Variants in TTC17 observed in about 807,000 individuals in gnomAD.
TTC17 encodes tetratricopeptide repeat protein 17.
TTC17 carries 58 observed loss-of-function variants against 143.8 expected under a neutral mutation model. The observed-to-expected ratio is 0.40, with a 90% CI of 0.33 to 0.50. The LOEUF (loss-of-function observed/expected upper bound fraction) is 0.50, where lower values mean the gene tolerates loss of function less well. TTC17 is among the 20% of genes least tolerant of loss of function. TTC17 has a pLI of 0.49. For missense variants in TTC17, 1,273 were observed against 1,392.5 expected, an observed-to-expected ratio of 0.91 and a Z score of 1.37; for synonymous variants, 501 against 497.8, an observed-to-expected ratio of 1.01 and a Z score of -0.09.
At chr11:43,483,450 G>A (rs1948325077) in intron 21 of TTC17, among the ~76,000 whole-genome samples, 1 of 151,894 alleles carries the variant, frequency 6.6e-6, no homozygotes, top group Non-Finnish European at 1.5e-5. Context: ...ATGAACTTAG[G>A]TATCAAAATC....
At chr11:43,431,762 AG>A (rs1385079984) in intron 16 of TTC17, among the ~76,000 whole-genome samples, 1 of 152,256 alleles carries the variant, frequency 6.6e-6, no homozygotes, top group Non-Finnish European at 1.5e-5. Context: ...CTGAAGTAAG[AG>A]GATCACTTGA....
chr11:43,386,742 A>G (rs1235080578), intron 2 of TTC17, among the ~76,000 whole-genome samples: 3 of 152,184 alleles, frequency 2.0e-5, no homozygotes, highest in African/African-American at 7.2e-5. Flanking sequence ...TACTTTTTCC[A>G]TAAATTTCTA....
intron 21 of TTC17, among the ~76,000 whole-genome samples, chr11:43,453,512 A>C (rs1194590891): frequency 6.6e-6 from 1 of 152,226 alleles, no homozygotes; most frequent in African/African-American, 2.4e-5. Flanking sequence ...ATATGCTACC[A>C]AACTGACCAT....
chr11:43,415,548 A>G (rs1446789268), intron 16 of TTC17, among the ~76,000 whole-genome samples: 1 of 152,126 alleles, frequency 6.6e-6, no homozygotes, highest in African/African-American at 2.4e-5. Context: ...TTAATATTCA[A>G]ATTAGGTTAT....
At chr11:43,418,132 A>G (rs1350184550) in intron 16 of TTC17, among the ~76,000 whole-genome samples, 2 of 152,242 alleles carry the variant, frequency 1.3e-5, no homozygotes, top group African/African-American at 4.8e-5. Flanking sequence ...TAAAGACTTT[A>G]TAGCTAAAAC....
chr11:43,446,699 TATAAA>T lies in TTC17; in HGVS notation c.2666-1301_2666-1297del, dbSNP rs374293289. On this transcript the variant is annotated intron_variant, in intron 18 of 23. Coordinates refer to ENST00000039989, the MANE Select transcript of TTC17 (RefSeq NM_018259.6). ...TTCTACTGTTCGTAAATTCCTATAA[TATAAA>T]AAGCGCTATACAGAACTAAAGTTCT... is the stretch of plus-strand genomic sequence containing the variant. 2.2e-5 allele frequency: 22 copies of T among 983,992 alleles called. No individual in the cohort carries two copies. The South Asian group carries it at 6.6e-4, about 29-fold the overall frequency. The allele number at this position is 983,992 out of a possible 1,614,324, so 61.0% of individuals were successfully genotyped here. A position where few individuals can be genotyped will look rare whatever the true frequency, so the allele number is the denominator to read the frequency against.
At chr11:43,450,003 G>C (rs1947626317) in intron 19 of TTC17, 79 bp from the exon 20 acceptor site, 4 of 1,472,868 alleles carry the variant, frequency 2.7e-6, no homozygotes, top group Non-Finnish European at 3.7e-6. Flanking sequence ...GTCTCTCCTT[G>C]ATTGTTAATG....
chr11:43,379,451 A>T, intron 2 of TTC17, 129 bp downstream of exon 2: 5 of 695,028 alleles, frequency 7.2e-6, no homozygotes, highest in Non-Finnish European at 1.2e-5. Flanking sequence ...GGAATATACT[A>T]CCTGCAATGT....
intron 21 of TTC17, among the ~76,000 whole-genome samples, chr11:43,467,991 A>T (rs531855327): frequency 8.5e-4 from 130 of 152,354 alleles, no homozygotes; most frequent in African/African-American, 3.0e-3. Context: ...TATGAAAGAC[A>T]TTATTTCACA....
At chr11:43,445,089 C>T (rs1017464690) in intron 18 of TTC17, among the ~76,000 whole-genome samples, 1 of 152,120 alleles carries the variant, frequency 6.6e-6, no homozygotes, top group African/African-American at 2.4e-5. Context: ...AATCATAACA[C>T]ATCTATGCTG....
intron 5 of TTC17, among the ~76,000 whole-genome samples, chr11:43,392,169 A>G (rs531332264): frequency 6.6e-6 from 1 of 152,360 alleles, no homozygotes; most frequent in East Asian, 1.9e-4. Flanking sequence ...GGAAAGTTTT[A>G]TCTAAACTGA....
At chr11:43,412,344 C>T (rs1858454067) in intron 15 of TTC17, among the ~76,000 whole-genome samples, 1 of 151,902 alleles carries the variant, frequency 6.6e-6, no homozygotes, top group South Asian at 2.1e-4. Flanking sequence ...AAAAATTAGC[C>T]AAGTGTGGTG....
intron 15 of TTC17, 41 bp downstream of exon 15, chr11:43,407,618 G>C (rs775648394): frequency 6.5e-7 from 1 of 1,529,898 alleles, no homozygotes; most frequent in Non-Finnish European, 9.0e-7. Flanking sequence ...ATACTATGTA[G>C]GGTAACTCAA....
At chr11:43,492,186 A>G (rs201684248) in intron 23 of TTC17, 23 bp downstream of exon 23, 4 of 1,612,206 alleles carry the variant, frequency 2.5e-6, no homozygotes, top group Non-Finnish European at 2.5e-6. Context: ...TGTGAGCAGT[A>G]TGTACCAACT....
At chr11:43,412,829 C>G (rs1438545157) in intron 15 of TTC17, among the ~76,000 whole-genome samples, 6 of 152,224 alleles carry the variant, frequency 3.9e-5, no homozygotes, top group Non-Finnish European at 7.3e-5. Flanking sequence ...CATGTTCACA[C>G]ATTGAGAGAG....
Position 43,407,199 on chromosome 11 carries a change from T to C in TTC17, c.1823T>C (p.Phe608Ser), listed in dbSNP as rs1295619303. 2 of 1,597,776 alleles carry C rather than the reference T, an allele frequency of 1.3e-6. No individual in the cohort carries two copies. The highest frequency in any genetic ancestry group is 1.7e-6 in the Non-Finnish European group (2 of 1,174,328). The change falls in exon 14 of 24, where the codon TTT becomes TCT. Residue 608 changes from phenylalanine (F) to serine (S), a missense_variant. Around this residue, in one of 3 missense-constraint regions of TTC17, gnomAD observed 878 missense variants for 899.8 expected, o/e 0.98. Coordinates refer to ENST00000039989, the MANE Select transcript of TTC17 (RefSeq NM_018259.6). ...IPEEEIGSFL[F>S]HAINKPNAPI... is the part of the protein sequence containing the mutation. Reference sequence around the variant, plus strand: ...GAAGAAGAAATTGGGTCTTTCTTATTTCATGCTATTAATAAGGTGAGTCAT... The same window carrying C: ...GAAGAAGAAATTGGGTCTTTCTTATCTCATGCTATTAATAAGGTGAGTCAT...
intron 16 of TTC17, among the ~76,000 whole-genome samples, chr11:43,427,005 A>C (rs148327639): frequency 6.6e-6 from 1 of 152,322 alleles, no homozygotes; most frequent in Non-Finnish European, 1.5e-5. Context: ...ACCAGTGGTA[A>C]GTTTAAATAT....
intron 1 of TTC17, among the ~76,000 whole-genome samples, chr11:43,363,718 AC>A (rs1223427123): frequency 1.3e-5 from 2 of 152,242 alleles, no homozygotes; most frequent in Non-Finnish European, 2.9e-5. Context: ...AAGTCGTGTA[AC>A]TAATGTGTGG....
intron 1 of TTC17, among the ~76,000 whole-genome samples, chr11:43,362,196 T>C (rs892119757): frequency 4.0e-4 from 58 of 145,224 alleles, no homozygotes; most frequent in African/African-American, 1.4e-3. Context: ...TGTGTGTGTA[T>C]TTTTAGTAGA....
Sources: allele counts gnomAD v4.1 joint callset (sites outside exome capture counted in the v4.1 genomes callset), GRCh38; gene constraint gnomAD v4.1.1; regional missense constraint gnomAD v4.1.1; transcripts MANE v1.5; gene names NCBI Gene and HGNC (gene_info 2026-07-23, HGNC 2026-07-21).